Variants in LARP1 observed in about 807,000 individuals in gnomAD.
The protein encoded by LARP1 is la-related protein 1.
LARP1 carries 36 observed loss-of-function variants against 122.7 expected under a neutral mutation model. That is an observed-to-expected ratio of 0.29 (90% CI 0.22 to 0.39). The LOEUF (loss-of-function observed/expected upper bound fraction) is 0.39. Ranked by LOEUF, LARP1 falls within the 10% of genes least tolerant of loss-of-function variation. The pLI is 1.00. For missense variants in LARP1, 1,040 were observed against 1,403.6 expected (o/e 0.74, Z 4.14); for synonymous variants, 539 against 528.7 (o/e 1.02, Z -0.27).
In LARP1 at chr5:154,695,798, G is replaced by A. The variant is rs145438775; in HGVS notation, c.-180+12761G>A. ...TGAGGCAGGAGAATCCCTTGAACCCGGGAGGCAAAGGTCACAGTGAGCCAA... is the reference window on the plus strand; with the variant it reads ...TGAGGCAGGAGAATCCCTTGAACCCAGGAGGCAAAGGTCACAGTGAGCCAA... On this transcript the variant is annotated intron_variant, in intron 1 of 18. Coordinates refer to the LARP1 transcript ENST00000687700. 2.3e-3 allele frequency among the ~76,000 whole-genome samples: 350 copies of A among 152,170 alleles called. 5 individuals are homozygous for A. The East Asian group carries it at 0.033, about 14-fold the overall frequency.
At chr5:154,710,642 C>T (rs1210378495), upstream of LARP1, among the ~76,000 whole-genome samples, 3 of 149,966 alleles carry the variant, frequency 2.0e-5, no homozygotes, top group South Asian at 4.2e-4. Context: ...ACTCAGGAGG[C>T]TGAGGCAGGA....
intron 1 of LARP1, among the ~76,000 whole-genome samples, chr5:154,738,784 T>C (rs1027102879): frequency 6.6e-6 from 1 of 151,850 alleles, no homozygotes; most frequent in Non-Finnish European, 1.5e-5. Context: ...TAGCCAGGCA[T>C]AGTGGCTCAT....
At chr5:154,765,074 C>T (rs542738038) in intron 1 of LARP1, among the ~76,000 whole-genome samples, 11 of 152,144 alleles carry the variant, frequency 7.2e-5, no homozygotes, top group Non-Finnish European at 1.6e-4. Flanking sequence ...CTGGTAACTT[C>T]TTAGCAGAGT....
intron 18 of LARP1, among the ~76,000 whole-genome samples, chr5:154,812,513 C>G (rs1271099200): frequency 1.3e-5 from 1 of 78,870 alleles, no homozygotes; most frequent in Admixed American, 1.8e-4. Context: ...AAGCCCCCCC[C>G]CCCCACCCCC....
chr5:154,816,145 T>A lies in LARP1; in HGVS notation c.*2049T>A, dbSNP rs1759651119. 6.5e-6 allele frequency: 1 copy of A among 152,692 alleles called. No individual in the cohort carries two copies. Among genetic ancestry groups the A allele is most frequent in the Non-Finnish European group, 1.5e-5 (1 of 68,086 alleles). 9.5% of individuals were successfully genotyped at this position (152,692 alleles called of 1,614,324 possible). A position where few individuals can be genotyped will look rare whatever the true frequency, so the allele number is the denominator to read the frequency against. On this transcript the variant is annotated 3_prime_UTR_variant, in exon 19 of 19. Transcript: ENST00000518297. ...CCATCTCAGTTCCTGTGACTTCATG[T>A]CTCAAACCAAGGATGAGCGTCTGGT...
At chr5:154,689,802 C>T (rs931453697) in intron 1 of LARP1, among the ~76,000 whole-genome samples, 3 of 152,004 alleles carry the variant, frequency 2.0e-5, no homozygotes, top group Non-Finnish European at 4.4e-5. Context: ...TTGGGCCTGG[C>T]GTGGTGGCTC....
In LARP1 at chr5:154,768,662, A is replaced by G. The variant is rs984218823; in HGVS notation, c.436+12469A>G. The stretch of plus-strand genomic sequence containing the variant: ...AGTGGCGCGATCTTGGCTCACTGCA[A>G]CCTCCACCTCCTGGGTTCAAGTGAT... On this transcript the variant is annotated intron_variant, in intron 1 of 18. Transcript: ENST00000518297. 1.4e-4 allele frequency among the ~76,000 whole-genome samples: 21 copies of G among 152,134 alleles called. No individual in the cohort carries two copies. The Middle Eastern group carries it at 0.01, about 74-fold the overall frequency.
At chr5:154,779,317 T>A (rs1756206895) in intron 1 of LARP1, among the ~76,000 whole-genome samples, 1 of 152,106 alleles carries the variant, frequency 6.6e-6, no homozygotes, top group Admixed American at 6.5e-5. Flanking sequence ...GATTGCTCAG[T>A]TTTGACTCAT....
At chr5:154,748,986 C>T (rs1330798594) in intron 1 of LARP1, among the ~76,000 whole-genome samples, 1 of 152,216 alleles carries the variant, frequency 6.6e-6, no homozygotes, top group Non-Finnish European at 1.5e-5. Context: ...TGGTGCATTG[C>T]AGATGCTCAA....
intron 8 of LARP1, among the ~76,000 whole-genome samples, chr5:154,799,002 T>TCTCGA (rs1433471965): frequency 6.6e-6 from 1 of 152,226 alleles, no homozygotes; most frequent in Non-Finnish European, 1.5e-5. Flanking sequence ...TAGCTGGGAC[T>TCTCGA]ATAGGCGTGT....
chr5:154,766,504 C>G (rs1754967174), intron 1 of LARP1, among the ~76,000 whole-genome samples: 1 of 152,196 alleles, frequency 6.6e-6, no homozygotes, highest in Non-Finnish European at 1.5e-5. Context: ...CAGAAGGCTA[C>G]ATTATCCAGA....
intron 1 of LARP1, among the ~76,000 whole-genome samples, chr5:154,772,983 T>TC (rs1174500409): frequency 1.3e-5 from 2 of 149,452 alleles, no homozygotes; most frequent in African/African-American, 4.9e-5. Context: ...ACCTGGCCTT[T>TC]TTTTTTTTTT....
chr5:154,689,818 T>C (rs911425471), intron 1 of LARP1, among the ~76,000 whole-genome samples: 2 of 152,164 alleles, frequency 1.3e-5, no homozygotes, highest in African/African-American at 4.8e-5. Flanking sequence ...GGCTCACGCC[T>C]GTAATCCCAG....
upstream of LARP1, among the ~76,000 whole-genome samples, chr5:154,751,013 C>CT (rs556808466): frequency 2.6e-4 from 40 of 151,154 alleles, no homozygotes; most frequent in Admixed American, 1.5e-3. Context: ...TTTGGCCTCT[C>CT]TTTTTTTTTG....
chr5:154,805,861 A>AT lies in LARP1; in HGVS notation c.2547-14dup, dbSNP rs1561630398. On this transcript the variant is annotated intron_variant, in intron 14 of 18. Coordinates refer to ENST00000518297, the MANE Select transcript of LARP1 (RefSeq NM_033551.3). Reference sequence around the variant, plus strand: ...CTGCTGTGGGGAACCTGGTGACAGTATTTTTTGTGGTTTCTGTAGCTCCAG... The same window carrying AT: ...CTGCTGTGGGGAACCTGGTGACAGTATTTTTTTGTGGTTTCTGTAGCTCCAG... 2 of 1,610,680 alleles carry AT rather than the reference A, an allele frequency of 1.2e-6. No homozygotes were observed. The highest frequency in any genetic ancestry group is 3.4e-5 in the Admixed American group (2 of 59,380).
Position 154,802,456 on chromosome 5 carries a change from A to G in LARP1, c.2109+57A>G. On this transcript the variant is annotated intron_variant, in intron 11 of 18. Coordinates refer to ENST00000518297, the MANE Select transcript of LARP1 (RefSeq NM_033551.3). The surrounding 1 kb of genome is among the most constrained non-coding windows in gnomAD (Gnocchi z 5.1). Reference sequence around the variant, plus strand: ...CCTGGTGTGCCTGTATTGTACGGAGAAGAGGAAGCCTGATTAGCTGTGCAA... The same window carrying G: ...CCTGGTGTGCCTGTATTGTACGGAGGAGAGGAAGCCTGATTAGCTGTGCAA... The G allele has an allele frequency of 6.6e-7, 1 of 1,510,142 alleles. No homozygotes were observed. Among genetic ancestry groups the G allele is most frequent in the Non-Finnish European group, 8.8e-7 (1 of 1,132,634 alleles). The allele number at this position is 1,510,142 out of a possible 1,614,324, so 93.5% of individuals were successfully genotyped here.
intron 8 of LARP1, among the ~76,000 whole-genome samples, chr5:154,796,164 G>A (rs143363974): frequency 0.12 from 12,892 of 103,920 alleles, 733 homozygotes; most frequent in African/African-American, 0.21. Flanking sequence ...TATATTTTAT[G>A]TATTTATATA....
At chr5:154,790,902 C>G (rs1444141449) in intron 3 of LARP1, among the ~76,000 whole-genome samples, 192 bp downstream of exon 3, 1 of 152,162 alleles carries the variant, frequency 6.6e-6, no homozygotes, top group Non-Finnish European at 1.5e-5. Context: ...ACTGCAACCT[C>G]CACCTCCTGG....
At chr5:154,720,209 GTAA>G (rs3060312) in intron 1 of LARP1, among the ~76,000 whole-genome samples, 13 of 150,612 alleles carry the variant, frequency 8.6e-5, no homozygotes, top group Non-Finnish European at 1.5e-4. Context: ...AATAATAATA[GTAA>G]TAATAATAAT....
Sources: allele counts gnomAD v4.1 joint callset (sites outside exome capture counted in the v4.1 genomes callset), GRCh38; gene constraint gnomAD v4.1.1; non-coding constraint Gnocchi (gnomAD v3.1); transcripts MANE v1.5; gene names NCBI Gene and HGNC (gene_info 2026-07-23, HGNC 2026-07-21).